PDE12: variants seen among roughly 807,000 people sequenced by gnomAD.
The protein encoded by PDE12 is 2',5'-phosphodiesterase 12.
PDE12 carries 26 observed loss-of-function variants against 45.4 expected under a neutral mutation model. The observed-to-expected ratio is 0.57, with a 90% confidence interval of 0.42 to 0.79. PDE12 has a LOEUF of 0.79. Ranked by LOEUF, PDE12 falls within the 30% of genes least tolerant of loss-of-function variation. The pLI is 0.00. For synonymous variants in PDE12, 283 were observed against 323.9 expected (o/e 0.87, Z 1.36); for missense variants, 668 against 790.0 (o/e 0.85, Z 1.85).
At chr3:57,601,743 C>CTTT in the PDE12 span, among the ~76,000 whole-genome samples, 45 of 103,718 alleles carry the variant, frequency 4.3e-4, no homozygotes, top group Non-Finnish European at 5.9e-4. Flanking sequence ...TTCTTTCCTT[C>CTTT]TTTTTTTTTT....
downstream of PDE12, among the ~76,000 whole-genome samples, chr3:57,570,161 A>AT (rs1419535606): frequency 6.6e-6 from 1 of 151,250 alleles, no homozygotes; most frequent in Non-Finnish European, 1.5e-5. Flanking sequence ...CAAACTAAAC[A>AT]TACACTTTGC....
the PDE12 span, chr3:57,628,227 G>A: frequency 7.4e-5 from 119 of 1,612,862 alleles, 1 homozygote; most frequent in Non-Finnish European, 4.4e-5. Context: ...TGTCATGCCC[G>A]TTTTGAGCAG....
chr3:57,571,419 A>T (rs1032406324), downstream of PDE12: 1 of 152,644 alleles, frequency 6.6e-6, no homozygotes, highest in African/African-American at 2.4e-5. Flanking sequence ...AAGAAAATGT[A>T]TTCATCGAAT....
Position 57,562,878 on chromosome 3 carries a change from A to G in PDE12, c.*2874A>G, listed in dbSNP as rs1470937201. On this transcript the variant is annotated 3_prime_UTR_variant, in exon 3 of 3. Transcript: ENST00000311180. Reference sequence around the variant, plus strand: ...CAAAATTTCAAGAATTCCACTGAGTAGTGATTTTTCTGAGTACTAAGCTAT... The same window carrying G: ...CAAAATTTCAAGAATTCCACTGAGTGGTGATTTTTCTGAGTACTAAGCTAT... The G allele has an allele frequency of 6.6e-6, 1 of 152,188 alleles. No individual in the cohort carries two copies. The highest frequency in any genetic ancestry group is 2.4e-5 in the African/African-American group (1 of 41,466). 9.4% of individuals were successfully genotyped at this position (152,188 alleles called of 1,614,324 possible).
the PDE12 span, among the ~76,000 whole-genome samples, chr3:57,593,392 T>C: frequency 6.6e-6 from 1 of 152,152 alleles, no homozygotes; most frequent in African/African-American, 2.4e-5. Context: ...TTACAAAATA[T>C]GCTAAGAAAC....
the PDE12 span, among the ~76,000 whole-genome samples, chr3:57,578,698 C>T: frequency 8.5e-5 from 13 of 152,100 alleles, no homozygotes; most frequent in Admixed American, 5.2e-4. Context: ...CATGTGGTCT[C>T]GAACTCCTGG....
chr3:57,643,003 T>A, the PDE12 span, among the ~76,000 whole-genome samples: 6 of 95,482 alleles, frequency 6.3e-5, no homozygotes, highest in African/African-American at 1.9e-4. Flanking sequence ...CGAGACTTCA[T>A]CTCAAAAAAA....
At chr3:57,597,442 A>C in the PDE12 span, 3 of 250,028 alleles carry the variant, frequency 1.2e-5, no homozygotes, top group Non-Finnish European at 2.4e-5. Flanking sequence ...TCCAACGCGG[A>C]CAGAATCGCG....
rs1330411389 is a variant in PDE12, at chr3:57,559,956, C to G, written c.1782C>G (p.Ser594=). ...VTTHQALPSV[S]HPSDHIALVC... ...CCCACCAGGCCTTACCTAGTGTTTC[C>G]CATCCCTCTGATCACATAGCACTTG... Residue 594 remains serine, a synonymous_variant, in exon 3 of 3, where the codon TCC becomes TCG. Transcript: ENST00000311180. 2.5e-6 allele frequency: 4 copies of G among 1,612,594 alleles called. No homozygotes were observed. The highest frequency in any genetic ancestry group is 2.5e-6 in the Non-Finnish European group (3 of 1,179,950).
At chr3:57,641,322 ATAT>A in the PDE12 span, among the ~76,000 whole-genome samples, 7 of 144,634 alleles carry the variant, frequency 4.8e-5, no homozygotes, top group Non-Finnish European at 9.1e-5. Context: ...TATATTCAAT[ATAT>A]TATATTAAAA....
At chr3:57,640,038 G>A in the PDE12 span, among the ~76,000 whole-genome samples, 3 of 151,264 alleles carry the variant, frequency 2.0e-5, no homozygotes, top group Admixed American at 6.6e-5. Context: ...TTGGGAAGCC[G>A]AGGTGGGCGG....
At chr3:57,567,063 A>G (rs908222763), downstream of PDE12, among the ~76,000 whole-genome samples, 4 of 152,194 alleles carry the variant, frequency 2.6e-5, no homozygotes, top group African/African-American at 9.7e-5. Flanking sequence ...TAATCCTAGC[A>G]CTTTGGGAGG....
chr3:57,592,018 C>T, the PDE12 span, among the ~76,000 whole-genome samples: 4 of 152,224 alleles, frequency 2.6e-5, no homozygotes, highest in South Asian at 2.1e-4. Context: ...CTAAAACCCA[C>T]GGAACTGTAC....
At chr3:57,618,294 A>G in the PDE12 span, among the ~76,000 whole-genome samples, 3 of 152,372 alleles carry the variant, frequency 2.0e-5, no homozygotes, top group East Asian at 1.9e-4. Flanking sequence ...AAGAAATTCT[A>G]TTGATTTGAT....
chr3:57,557,769 G>A, intron 1 of PDE12, 82 bp downstream of exon 1: 1 of 1,265,742 alleles, frequency 7.9e-7, no homozygotes. Flanking sequence ...GGGGTTAAAA[G>A]TGCGATGAAA....
At chr3:57,590,149 AAAG>A in the PDE12 span, among the ~76,000 whole-genome samples, 1 of 113,174 alleles carries the variant, frequency 8.8e-6, no homozygotes, top group Non-Finnish European at 2.1e-5. Context: ...AAAAACAAAA[AAAG>A]AACATCTATA....
At chr3:57,628,120 G>T in the PDE12 span, 1 of 1,509,458 alleles carries the variant, frequency 6.6e-7, no homozygotes, top group Non-Finnish European at 8.9e-7. Context: ...TTTCCACTCC[G>T]CTGCCACTGA....
chr3:57,642,083 G>C, the PDE12 span, among the ~76,000 whole-genome samples: 1 of 152,070 alleles, frequency 6.6e-6, no homozygotes, highest in East Asian at 1.9e-4. Flanking sequence ...CGGAGGCTGA[G>C]GCGGGCAGAT....
At chr3:57,630,252 CTAT>C in the PDE12 span, 72 of 171,512 alleles carry the variant, frequency 4.2e-4, 2 homozygotes, top group South Asian at 0.012. Flanking sequence ...AAGAGATTAT[CTAT>C]ATAAAGCCCC....
Sources: allele counts gnomAD v4.1 joint callset (sites outside exome capture counted in the v4.1 genomes callset), GRCh38; gene constraint gnomAD v4.1.1; transcripts MANE v1.5; gene names NCBI Gene and HGNC (gene_info 2026-07-23, HGNC 2026-07-21).